Variants in TRIOBP observed in about 807,000 individuals in gnomAD.
The protein encoded by TRIOBP is TRIO and F-actin-binding protein.
A neutral mutation model predicts 238.8 loss-of-function variants in TRIOBP; 169 were observed. The ratio of observed to expected loss-of-function variants is 0.71; its 90% CI spans 0.62 to 0.80. The LOEUF (loss-of-function observed/expected upper bound fraction) is 0.80. TRIOBP is among the 30% of genes least tolerant of loss of function. TRIOBP has a pLI of 0.00. For synonymous variants in TRIOBP, 1,150 were observed against 1,274.4 expected (o/e 0.90, Z 2.08); for missense variants, 2,838 against 3,122.6 (o/e 0.91, Z 2.17).
chr22:37,734,650 C>A lies in TRIOBP; in HGVS notation c.4314C>A (p.Gly1438=). 6.3e-7 allele frequency: 1 copy of A among 1,595,002 alleles called. No individual in the cohort carries two copies. Among genetic ancestry groups the A allele is most frequent in the East Asian group, 2.3e-5 (1 of 43,910 alleles). Residue 1438 remains glycine, a synonymous_variant, in exon 9 of 24, where the codon GGC becomes GGA. Transcript: ENST00000644935. ...QSQEEPPGSQ[G]PHRHLERSWS... ...AGGAGGAACCGCCAGGGTCCCAGGG[C>A]CCTCATAGACACCTAGAAAGGAGCT...
intron 7 of TRIOBP, among the ~76,000 whole-genome samples, chr22:37,728,918 C>CT (rs935004304): frequency 9.3e-5 from 14 of 149,838 alleles, no homozygotes; most frequent in Non-Finnish European, 1.8e-4. Context: ...GTGTCTTTAA[C>CT]TTTTTTTTTT....
At chr22:37,716,549 C>T (rs1199970226) in intron 6 of TRIOBP, among the ~76,000 whole-genome samples, 1 of 152,198 alleles carries the variant, frequency 6.6e-6, no homozygotes, top group Non-Finnish European at 1.5e-5. Context: ...CCTGCCTCAG[C>T]CTCCTAAGTA....
chr22:37,759,554 T>A (rs1173430653), intron 17 of TRIOBP: 2 of 1,598,934 alleles, frequency 1.3e-6, no homozygotes, highest in Non-Finnish European at 1.7e-6. Context: ...CTGCAGAGCC[T>A]GTGTGTGAGT....
In TRIOBP at chr22:37,725,659, C is replaced by T. The variant is rs868350011; in HGVS notation, c.3103C>T (p.His1035Tyr). Residue 1035 changes from histidine to tyrosine, a missense_variant, in exon 7 of 24, where the codon CAC (histidine) becomes TAC (tyrosine). His to Tyr is a moderately conservative substitution (Grantham distance 83). Around this residue, in one of 5 missense-constraint regions of TRIOBP, gnomAD observed 2,096 missense variants for 2,137.4 expected, o/e 0.98. Transcript: ENST00000644935. Reference sequence around the variant, plus strand: ...CTCTTCGCCCCCTCGCTATTTGCAGCACGACCCCTTCCCCTTCTTCCCAGA... The same window carrying T: ...CTCTTCGCCCCCTCGCTATTTGCAGTACGACCCCTTCCCCTTCTTCCCAGA... ...RASSPPRYLQ[H>Y]DPFPFFPEPR... 1.2e-6 allele frequency: 2 copies of T among 1,611,510 alleles called. No homozygotes were observed. The highest frequency in any genetic ancestry group is 1.7e-6 in the Non-Finnish European group (2 of 1,179,204).
chr22:37,731,779 T>C (rs1924432301), intron 7 of TRIOBP, among the ~76,000 whole-genome samples: 2 of 152,048 alleles, frequency 1.3e-5, no homozygotes, highest in South Asian at 4.1e-4. Flanking sequence ...TTTTAGAGAC[T>C]AGGTTTCACT....
At position 37,765,883 on chromosome 22, in the gene TRIOBP, C is replaced by A; in HGVS notation, c.6472+66C>A. On this transcript the variant is annotated intron_variant, in intron 18 of 23. Transcript: ENST00000644935. ...CCTCTGTGCTGAGGTTCCTCCTAGC[C>A]AAACTGGGGAGGATTTTATCAAATA... The A allele has an allele frequency of 2.0e-6, 3 of 1,511,716 alleles. No individual in the cohort carries two copies. The South Asian group carries it at 3.7e-5, about 19-fold the overall frequency. 93.6% of individuals were successfully genotyped at this position (1,511,716 alleles called of 1,614,324 possible). A position where few individuals can be genotyped will look rare whatever the true frequency, so the allele number is the denominator to read the frequency against.
chr22:37,742,366 G>A (rs1924980737), intron 11 of TRIOBP, among the ~76,000 whole-genome samples: 1 of 149,888 alleles, frequency 6.7e-6, no homozygotes, highest in Non-Finnish European at 1.5e-5. Context: ...AGGTTCAAGC[G>A]ATTCTGCCAT....
At chr22:37,746,511 C>G in intron 11 of TRIOBP, 1 of 1,149,306 alleles carries the variant, frequency 8.7e-7, no homozygotes, top group Admixed American at 3.5e-5. Context: ...GGGGCAGCCC[C>G]CTCCTCATTT....
chr22:37,701,856 G>T (rs1338147898), intron 3 of TRIOBP, among the ~76,000 whole-genome samples: 1 of 152,214 alleles, frequency 6.6e-6, no homozygotes, highest in Non-Finnish European at 1.5e-5. Context: ...GGCTGGGCAC[G>T]GTGGCTCACG....
intron 19 of TRIOBP, 22 bp downstream of exon 19, chr22:37,768,198 A>G (rs762606060): frequency 4.4e-6 from 7 of 1,591,112 alleles, no homozygotes; most frequent in Admixed American, 1.7e-5. Context: ...CCGGGGCCCA[A>G]CTGCCCACCC....
At position 37,772,501 on chromosome 22, in the gene TRIOBP, T is replaced by C. The variant is rs762984; in HGVS notation, c.6937-100T>C. Reference sequence around the variant, plus strand: ...AGCCACCTGGAGGGATGAAGCGAGGTATCTGCGGGGAGGTCTGGCTGCTGG... The same window carrying C: ...AGCCACCTGGAGGGATGAAGCGAGGCATCTGCGGGGAGGTCTGGCTGCTGG... On this transcript the variant is annotated intron_variant, in intron 22 of 23. Transcript: ENST00000644935. 0.96 allele frequency: 1,482,499 copies of C among 1,546,372 alleles called. 710,906 individuals are homozygous for C. The highest frequency in any genetic ancestry group is 1 in the East Asian group (44,417 of 44,422).
Position 37,744,094 on chromosome 22 carries a change from C to T in TRIOBP, c.5322+3062C>T, listed in dbSNP as rs111449658. On this transcript the variant is annotated intron_variant, in intron 11 of 23. Transcript: ENST00000644935. ...TGTGATCTTCACTCACCGCAACCTACGCCTCCCAGGTTCCAGCGATTCTCC... is the reference window on the plus strand; with the variant it reads ...TGTGATCTTCACTCACCGCAACCTATGCCTCCCAGGTTCCAGCGATTCTCC... 2.8e-3 allele frequency among the ~76,000 whole-genome samples: 421 copies of T among 150,418 alleles called. 2 individuals carry two copies. Among genetic ancestry groups the T allele is most frequent in the African/African-American group, 5.0e-3 (202 of 40,782 alleles).
chr22:37,740,684 A>C (rs1220355665), intron 10 of TRIOBP, among the ~76,000 whole-genome samples: 1 of 152,228 alleles, frequency 6.6e-6, no homozygotes, highest in Non-Finnish European at 1.5e-5. Context: ...ACACCTTCAA[A>C]GGTGCTGAGC....
intron 6 of TRIOBP, among the ~76,000 whole-genome samples, chr22:37,717,414 CTT>C (rs536707102): frequency 2.0e-5 from 3 of 152,196 alleles, no homozygotes; most frequent in Non-Finnish European, 4.4e-5. Context: ...CTTTTATTCT[CTT>C]GTCTGGCCCC....
At chr22:37,768,904 G>T in intron 19 of TRIOBP, 124 bp from the exon 20 acceptor site, 1 of 1,376,714 alleles carries the variant, frequency 7.3e-7, no homozygotes, top group Non-Finnish European at 1.0e-6. Context: ...CCCCACAGCA[G>T]GCTAAAGGCA....
Position 37,740,943 on chromosome 22 carries a change from C to A in TRIOBP, c.5233C>A (p.Arg1745=). 2 of 1,569,048 alleles carry A rather than the reference C, an allele frequency of 1.3e-6. No homozygotes were observed. The highest frequency in any genetic ancestry group is 4.6e-5 in the East Asian group (2 of 43,062). Residue 1745 remains arginine, a synonymous_variant, in exon 11 of 24, where the codon CGA becomes AGA. Coordinates refer to ENST00000644935, the MANE Select transcript of TRIOBP (RefSeq NM_001039141.3). The part of the protein sequence containing the change: ...EGKAGSPLKG[R]LVTSWRMPGD... ...CAAGGCTGGGAGCCCGCTCAAGGGC[C>A]GACTGGTGACCTCATGGCGGATGCC...
intron 21 of TRIOBP, among the ~76,000 whole-genome samples, chr22:37,770,376 G>T (rs1249481693): frequency 6.7e-6 from 1 of 149,702 alleles, no homozygotes; most frequent in South Asian, 2.1e-4. Flanking sequence ...CATGAACCTG[G>T]GAGGCGGAGC....
chr22:37,762,902 C>T (rs548490226), intron 17 of TRIOBP, among the ~76,000 whole-genome samples: 45 of 152,250 alleles, frequency 3.0e-4, no homozygotes, highest in African/African-American at 1.1e-3. Context: ...GCTTCACCCA[C>T]TGGACATCTG....
intron 2 of TRIOBP, 126 bp from the exon 3 acceptor site, chr22:37,701,180 C>G: frequency 1.7e-6 from 1 of 586,782 alleles, no homozygotes; most frequent in East Asian, 3.0e-5. Context: ...AGAACAGGAA[C>G]CCAAAGGAAT....
Sources: gnomAD v4.1 joint callset for allele counts (sites outside exome capture counted in the v4.1 genomes callset) on GRCh38, gnomAD v4.1.1 for gene constraint, gnomAD v4.1.1 regional missense constraint, MANE v1.5 for transcripts, NCBI Gene and HGNC (gene_info 2026-07-23, HGNC 2026-07-21) for gene names.